The following AKAP3 variants were observed in gnomAD, a reference collection of about 807,000 sequenced individuals.
AKAP3 encodes the protein A-kinase anchor protein 3.
AKAP3 carries 27 observed loss-of-function variants against 57.2 expected under a neutral mutation model. The observed-to-expected ratio is 0.47, with a 90% CI of 0.35 to 0.65. AKAP3 has a LOEUF of 0.65. AKAP3 is among the 30% of genes least tolerant of loss of function. The pLI is 0.01. For synonymous variants in AKAP3, 334 were observed against 392.3 expected, an observed-to-expected ratio of 0.85 and a Z score of 1.76; for missense variants, 959 against 1,040.0, an observed-to-expected ratio of 0.92 and a Z score of 1.07.
At chr12:4,644,412 GAA>G (rs1237126827) in intron 2 of AKAP3, among the ~76,000 whole-genome samples, 2 of 152,218 alleles carry the variant, frequency 1.3e-5, no homozygotes, top group Non-Finnish European at 2.9e-5. Context: ...CAATGACTAG[GAA>G]AAGTCAGTAG....
chr12:4,618,487 A>G (rs1289723217), intron 5 of AKAP3, among the ~76,000 whole-genome samples: 1 of 152,252 alleles, frequency 6.6e-6, no homozygotes, highest in Non-Finnish European at 1.5e-5. Context: ...AGACCTAAAC[A>G]TAAGAGCTAA....
At chr12:4,633,168 T>C (rs1342785356) in intron 4 of AKAP3, among the ~76,000 whole-genome samples, 1 of 150,396 alleles carries the variant, frequency 6.6e-6, no homozygotes, top group East Asian at 2.0e-4. Context: ...TTGCCTGCAG[T>C]CCCATCACTT....
chr12:4,624,824 G>GTGTGTGTGTGTGTGTGTATATA lies in AKAP3; in HGVS notation c.2406+1671_2406+1672insTATATACACACACACACACACA, dbSNP rs143324716. On this transcript the variant is annotated intron_variant, in intron 5 of 5. Coordinates refer to ENST00000228850, the MANE Select transcript of AKAP3 (RefSeq NM_001278309.2). ...AGTAGACAAAGGTGTGTGTGTGTGT[G>GTGTGTGTGTGTGTGTGTATATA]TATATAAAAGTGGGGGACTGCAAGT... Among the ~76,000 whole-genome samples the GTGTGTGTGTGTGTGTGTATATA allele has an allele frequency of 2.9e-3, 405 of 141,098 alleles. 5 individuals carry two copies. Among genetic ancestry groups the GTGTGTGTGTGTGTGTGTATATA allele is most frequent in the African/African-American group, 0.01 (395 of 38,624 alleles). The allele number at this position is 141,098 out of a possible 152,430, so 92.6% of individuals were successfully genotyped here. A position where few individuals can be genotyped will look rare whatever the true frequency, so the allele number is the denominator to read the frequency against.
At chr12:4,623,783 G>C (rs765868890) in intron 5 of AKAP3, among the ~76,000 whole-genome samples, 1 of 152,146 alleles carries the variant, frequency 6.6e-6, no homozygotes, top group African/African-American at 2.4e-5. Flanking sequence ...CAGAAGTTAT[G>C]ACAAATTAAT....
In AKAP3 at chr12:4,615,898, TGAAAG is replaced by T. The variant is rs1386008750; in HGVS notation, c.2407-9_2407-5del. On this transcript the variant is annotated splice_polypyrimidine_tract_variant and splice_region_variant and intron_variant, in intron 5 of 5. Transcript: ENST00000228850. ...CAGCAGCTGAGAGCTGAAGTAGCTG[TGAAAG>T]GAAAGAAAACACCAGTGGTGAGGCA... The T allele has an allele frequency of 6.2e-7, 1 of 1,613,976 alleles. No individual in the cohort carries two copies. Among genetic ancestry groups the T allele is most frequent in the South Asian group, 1.1e-5 (1 of 91,052 alleles).
At chr12:4,640,701 T>C (rs1945626444) in intron 3 of AKAP3, among the ~76,000 whole-genome samples, 1 of 152,244 alleles carries the variant, frequency 6.6e-6, no homozygotes, top group Non-Finnish European at 1.5e-5. Context: ...CTCAGATTAC[T>C]GAGCTAAGGA....
intron 4 of AKAP3, among the ~76,000 whole-genome samples, chr12:4,634,180 C>T (rs1313948802): frequency 6.6e-6 from 1 of 152,020 alleles, no homozygotes; most frequent in African/African-American, 2.4e-5. Context: ...GTGCAATATA[C>T]CGAATTGATC....
intron 5 of AKAP3, among the ~76,000 whole-genome samples, chr12:4,617,068 GA>G (rs1221366682): frequency 1.3e-5 from 2 of 151,850 alleles, no homozygotes; most frequent in Admixed American, 6.6e-5. Context: ...TAAAGAAAAA[GA>G]AAAAAATCTT....
At chr12:4,624,824 G>GTGTGTGTGTGTGTGTGTGTATATA (rs143324716) in intron 5 of AKAP3, among the ~76,000 whole-genome samples, 6 of 140,996 alleles carry the variant, frequency 4.3e-5, no homozygotes, top group Middle Eastern at 3.3e-3. Flanking sequence ...GTGTGTGTGT[G>GTGTGTGTGTGTGTGTGTGTATATA]TATATAAAAG....
intron 4 of AKAP3, among the ~76,000 whole-genome samples, chr12:4,629,948 A>G (rs1209639931): frequency 6.6e-6 from 1 of 152,202 alleles, no homozygotes; most frequent in Non-Finnish European, 1.5e-5. Context: ...TCTTTGATGG[A>G]CGCTAGCTGT....
chr12:4,615,686 G>C lies in AKAP3; in HGVS notation c.*53C>G. 6.3e-7 allele frequency: 1 copy of C among 1,580,210 alleles called. No homozygotes were observed. The highest frequency in any genetic ancestry group is 1.2e-5 in the South Asian group (1 of 86,294). ...GATGTGGAAGTGAGAAAGAAGGGCG[G>C]GGATAAGGGCCGGCCCCACTGCCAG... On this transcript the variant is annotated 3_prime_UTR_variant, in exon 6 of 6. Transcript: ENST00000228850.
chr12:4,632,474 T>C (rs1317510878), intron 4 of AKAP3, among the ~76,000 whole-genome samples: 1 of 152,218 alleles, frequency 6.6e-6, no homozygotes, highest in Admixed American at 6.5e-5. Context: ...ATGATTAATA[T>C]TAATGGTTGA....
chr12:4,641,250 G>A (rs1263930714), intron 3 of AKAP3, among the ~76,000 whole-genome samples: 1 of 151,948 alleles, frequency 6.6e-6, no homozygotes, highest in Non-Finnish European at 1.5e-5. Flanking sequence ...TGGAAGCTGT[G>A]AAGTTTTCCC....
intron 4 of AKAP3, among the ~76,000 whole-genome samples, chr12:4,633,811 C>A (rs1303958743): frequency 6.7e-6 from 1 of 148,864 alleles, no homozygotes; most frequent in African/African-American, 2.5e-5. Flanking sequence ...ATTAAACATA[C>A]CTTATAAAAT....
chr12:4,634,765 G>T (rs1473349884), intron 4 of AKAP3, among the ~76,000 whole-genome samples: 7 of 148,614 alleles, frequency 4.7e-5, no homozygotes, highest in African/African-American at 1.7e-4. Context: ...CACAGGACTG[G>T]CTATAATTTA....
Position 4,638,209 on chromosome 12 carries a change from G to GA in AKAP3, c.1-14dup. 1.9e-6 allele frequency: 3 copies of GA among 1,573,132 alleles called. No individual in the cohort carries two copies. Among genetic ancestry groups the GA allele is most frequent in the East Asian group, 2.2e-5 (1 of 44,550 alleles). ...CCTTTTCTGACATCTGGAAGCAGGG[G>GA]AAAAAAATGAGAAAGGGTCATCACA... On this transcript the variant is annotated splice_polypyrimidine_tract_variant and intron_variant, in intron 3 of 5. Transcript: ENST00000228850.
chr12:4,641,177 C>G (rs973132050), intron 3 of AKAP3, among the ~76,000 whole-genome samples: 6 of 147,060 alleles, frequency 4.1e-5, no homozygotes, highest in African/African-American at 1.5e-4. Flanking sequence ...GGATGCTCAC[C>G]GCAACCTCCG....
At chr12:4,622,614 A>G (rs1387533428) in intron 5 of AKAP3, among the ~76,000 whole-genome samples, 1 of 152,228 alleles carries the variant, frequency 6.6e-6, no homozygotes, top group African/African-American at 2.4e-5. Context: ...CTTACACCAT[A>G]TACAAAAATC....
Position 4,648,991 on chromosome 12 carries a change from C to G in AKAP3, c.-491G>C, listed in dbSNP as rs539122960. 1.0e-6 allele frequency: 1 copy of G among 986,848 alleles called. No individual in the cohort carries two copies. The highest frequency in any genetic ancestry group is 1.5e-6 in the Non-Finnish European group (1 of 666,016). 61.1% of individuals were successfully genotyped at this position (986,848 alleles called of 1,614,324 possible). On this transcript the variant is annotated 5_prime_UTR_variant, in exon 1 of 6. Coordinates refer to ENST00000228850, the MANE Select transcript of AKAP3 (RefSeq NM_001278309.2). Reference sequence around the variant, plus strand: ...CCCTCTCCTTCACTTTCCCAGCTTTCTTCTTAACCAACAATCTACCCGAAA... The same window carrying G: ...CCCTCTCCTTCACTTTCCCAGCTTTGTTCTTAACCAACAATCTACCCGAAA...
Sources: allele counts gnomAD v4.1 joint callset (sites outside exome capture counted in the v4.1 genomes callset), GRCh38; gene constraint gnomAD v4.1.1; transcripts MANE v1.5; gene names NCBI Gene and HGNC (gene_info 2026-07-23, HGNC 2026-07-21).